The following PPP2R1A variants were observed in gnomAD, a reference collection of about 807,000 sequenced individuals.
PPP2R1A encodes protein phosphatase 2 scaffold subunit Aalpha, also known as serine/threonine-protein phosphatase 2A 65 kDa regulatory subunit A alpha isoform.
PPP2R1A carries 15 observed loss-of-function variants against 67.1 expected under a neutral mutation model. That is an observed-to-expected ratio of 0.22 (90% CI 0.15 to 0.34). The LOEUF (loss-of-function observed/expected upper bound fraction) is 0.34, where lower values mean the gene tolerates loss of function less well. Among genes scored for constraint, PPP2R1A ranks in the 10% least tolerant of loss-of-function variants. The pLI, the probability that PPP2R1A is intolerant of heterozygous loss-of-function variation, is 1.00. For synonymous variants in PPP2R1A, 337 were observed against 325.0 expected, an observed-to-expected ratio of 1.04 and a Z score of -0.40; for missense variants, 369 against 775.0, an observed-to-expected ratio of 0.48 and a Z score of 6.22.
Position 52,205,954 on chromosome 19 carries a change from G to T in PPP2R1A, c.170-9G>T. On this transcript the variant is annotated splice_polypyrimidine_tract_variant and intron_variant, in intron 2 of 14. Transcript: ENST00000322088. ...TGGGATAGTCACGAAGTCTGTCTTGGTTCCACAGATACCATCTATGATGAA... is the reference window on the plus strand; with the variant it reads ...TGGGATAGTCACGAAGTCTGTCTTGTTTCCACAGATACCATCTATGATGAA... 1 of 1,611,238 alleles carries T rather than the reference G, an allele frequency of 6.2e-7. No individual in the cohort carries two copies. The highest frequency in any genetic ancestry group is 8.5e-7 in the Non-Finnish European group (1 of 1,177,464).
Position 52,221,144 on chromosome 19 carries a change from C to T in PPP2R1A, c.1518+11C>T. The stretch of plus-strand genomic sequence containing the variant: ...CTCTTCTGCATCAATGTGAGCCTTC[C>T]ACCTGCCTGCTGGCCCATCCCTAGG... On this transcript the variant is annotated intron_variant, in intron 12 of 14. Transcript: ENST00000322088. 6.2e-7 allele frequency: 1 copy of T among 1,614,116 alleles called. No homozygotes were observed. Among genetic ancestry groups the T allele is most frequent in the Non-Finnish European group, 8.5e-7 (1 of 1,179,970 alleles).
Position 52,212,845 on chromosome 19 carries a change from T to C in PPP2R1A, c.651+12T>C, listed in dbSNP as rs758284207. 16 of 1,588,924 alleles carry C rather than the reference T, an allele frequency of 1.0e-5. 1 individual carries two copies. The South Asian group carries it at 1.8e-4, about 18-fold the overall frequency. ...CCTCTGACGAGCAGGTGAGTTTTGC[T>C]TCCTGGCCCTCTGCTCTCCCGTCCT... On this transcript the variant is annotated intron_variant, in intron 5 of 14. Transcript: ENST00000322088. This position sits in a 1 kb window ranked among gnomAD's most constrained non-coding sequence, Gnocchi z 4.1.
intron 1 of PPP2R1A, among the ~76,000 whole-genome samples, chr19:52,193,427 A>G (rs775084971): frequency 1.3e-5 from 2 of 152,216 alleles, no homozygotes; most frequent in Non-Finnish European, 2.9e-5. Flanking sequence ...TACTAGACAT[A>G]CAGTAGGGAA....
At chr19:52,196,461 A>G (rs566015848) in intron 1 of PPP2R1A, among the ~76,000 whole-genome samples, 14 of 152,112 alleles carry the variant, frequency 9.2e-5, no homozygotes, top group Non-Finnish European at 1.9e-4. Context: ...GTGGAACTGC[A>G]CTTTTTAGTG....
intron 2 of PPP2R1A, among the ~76,000 whole-genome samples, chr19:52,203,738 T>C (rs4802902): frequency 0.48 from 72,473 of 151,960 alleles, 17,841 homozygotes; most frequent in African/African-American, 0.59. Context: ...CACAGATTGA[T>C]AGCTCAGTCC....
At chr19:52,221,821 ACT>A (rs1170817303) in intron 12 of PPP2R1A, among the ~76,000 whole-genome samples, 1 of 152,116 alleles carries the variant, frequency 6.6e-6, no homozygotes, top group African/African-American at 2.4e-5. Context: ...TTCCCACGCC[ACT>A]CTCTGGAGAG....
chr19:52,224,887 A>G (rs1051555669), intron 13 of PPP2R1A, among the ~76,000 whole-genome samples: 2 of 150,712 alleles, frequency 1.3e-5, no homozygotes, highest in East Asian at 2.0e-4. Flanking sequence ...TTGAGTAGAG[A>G]TGGGGGTTTT....
chr19:52,192,876 G>A (rs552753334), intron 1 of PPP2R1A, among the ~76,000 whole-genome samples: 2 of 152,174 alleles, frequency 1.3e-5, no homozygotes, highest in African/African-American at 2.4e-5. Flanking sequence ...GAACCGCGAG[G>A]TGTTCATCTG....
At chr19:52,223,147 A>G (rs1395526668) in intron 13 of PPP2R1A, among the ~76,000 whole-genome samples, 1 of 152,246 alleles carries the variant, frequency 6.6e-6, no homozygotes, top group Non-Finnish European at 1.5e-5. Flanking sequence ...AACAGTAGGC[A>G]TCTCTGCAGT....
intron 11 of PPP2R1A, among the ~76,000 whole-genome samples, chr19:52,220,542 C>T (rs1227914197): frequency 6.6e-6 from 1 of 152,138 alleles, no homozygotes; most frequent in Non-Finnish European, 1.5e-5. Flanking sequence ...AAACAAGTCA[C>T]CTGCTGTCTT....
At position 52,212,814 on chromosome 19, in the gene PPP2R1A, A is replaced by G. The variant is rs201263415; in HGVS notation, c.632A>G (p.Asn211Ser). The G allele has an allele frequency of 6.2e-7, 1 of 1,606,552 alleles. No individual in the cohort carries two copies. The highest frequency in any genetic ancestry group is 1.1e-5 in the South Asian group (1 of 90,444). The change falls in exon 5 of 15, where the codon AAC becomes AGC. Residue 211 changes from asparagine to serine, a missense_variant. Asn to Ser is a conservative substitution (Grantham distance 46). This residue lies in a region of PPP2R1A where 276 missense variants were observed against 508.4 expected (regional missense o/e 0.54). Transcript: ENST00000322088. The surrounding 1 kb of genome is among the most constrained non-coding windows in gnomAD (Gnocchi z 4.1). ...VKSEIIPMFSNLASDEQDSVR... is the reference protein window; with the variant it reads ...VKSEIIPMFSSLASDEQDSVR... ...AGTGAGATCATCCCCATGTTCTCCAACCTGGCCTCTGACGAGCAGGTGAGT... is the reference window on the plus strand; with the variant it reads ...AGTGAGATCATCCCCATGTTCTCCAGCCTGGCCTCTGACGAGCAGGTGAGT...
chr19:52,213,222 G>C lies in PPP2R1A; in HGVS notation c.807+112G>C. The C allele has an allele frequency of 1.5e-6, 2 of 1,304,890 alleles. No homozygotes were observed. Among genetic ancestry groups the C allele is most frequent in the Middle Eastern group, 1.9e-4 (1 of 5,174 alleles). The allele number at this position is 1,304,890 out of a possible 1,614,324, so 80.8% of individuals were successfully genotyped here. On this transcript the variant is annotated intron_variant, in intron 6 of 14. Coordinates refer to ENST00000322088, the MANE Select transcript of PPP2R1A (RefSeq NM_014225.6). This position sits in a 1 kb window ranked among gnomAD's most constrained non-coding sequence, Gnocchi z 4.2. The stretch of plus-strand genomic sequence containing the variant: ...AGGCCGATGGAACCATTGGGCGTTT[G>C]AGCAATAAGATCTCTATGATCATCT...
In PPP2R1A at chr19:52,216,130, G is replaced by T; in HGVS notation, c.993+56G>T. ...TGGATCCGAGCCTGCCAAAAAGAGG[G>T]GCTGGAGACAAGGCTTTGGGGATAG... On this transcript the variant is annotated intron_variant, in intron 8 of 14. Coordinates refer to ENST00000322088, the MANE Select transcript of PPP2R1A (RefSeq NM_014225.6). The surrounding 1 kb of genome is among the most constrained non-coding windows in gnomAD (Gnocchi z 4.3). 6.4e-7 allele frequency: 1 copy of T among 1,557,324 alleles called. No individual in the cohort carries two copies.
chr19:52,212,931 C>G lies in PPP2R1A; in HGVS notation c.652-24C>G, dbSNP rs1364476167. The G allele has an allele frequency of 6.4e-7, 1 of 1,574,096 alleles. No homozygotes were observed. The highest frequency in any genetic ancestry group is 8.6e-7 in the Non-Finnish European group (1 of 1,159,374). On this transcript the variant is annotated intron_variant, in intron 5 of 14. Transcript: ENST00000322088. This position sits in a 1 kb window ranked among gnomAD's most constrained non-coding sequence, Gnocchi z 4.1. The stretch of plus-strand genomic sequence containing the variant: ...GCTCAGCAAGGCCTCTGCTGCCCTC[C>G]CACTGTTCCTCTCCTCTCCCTAGGA...
chr19:52,190,184 C>T lies in PPP2R1A; in HGVS notation c.78+10C>T. ...CAATGAGGACGTTCAGGTCCGGAGG[C>T]TACGGGGGACTTGGGGAAGACGCGG... On this transcript the variant is annotated intron_variant, in intron 1 of 14. Coordinates refer to ENST00000322088, the MANE Select transcript of PPP2R1A (RefSeq NM_014225.6). 1 of 1,550,270 alleles carries T rather than the reference C, an allele frequency of 6.5e-7. No homozygotes were observed. The highest frequency in any genetic ancestry group is 8.7e-7 in the Non-Finnish European group (1 of 1,146,386).
At chr19:52,202,129 G>C in intron 2 of PPP2R1A, 95 bp downstream of exon 2, 1 of 1,049,924 alleles carries the variant, frequency 9.5e-7, no homozygotes, top group Non-Finnish European at 1.4e-6. Context: ...CATATTGTTT[G>C]TGAATATCTG....
chr19:52,215,684 C>G lies in PPP2R1A; in HGVS notation c.808-95C>G, dbSNP rs994778823. 8 of 1,010,356 alleles carry G rather than the reference C, an allele frequency of 7.9e-6. No individual in the cohort carries two copies. The Admixed American group carries it at 1.4e-4, about 18-fold the overall frequency. The allele number at this position is 1,010,356 out of a possible 1,614,324, so 62.6% of individuals were successfully genotyped here. A position where few individuals can be genotyped will look rare whatever the true frequency, so the allele number is the denominator to read the frequency against. On this transcript the variant is annotated intron_variant, in intron 6 of 14. Coordinates refer to ENST00000322088, the MANE Select transcript of PPP2R1A (RefSeq NM_014225.6). ...TGCTTCCAAGGCCCACGCTCTGTCC[C>G]CTAATTCTGGTGCCTTCACTTTGAT... is the stretch of plus-strand genomic sequence containing the variant.
At chr19:52,207,882 G>A (rs902091334) in intron 3 of PPP2R1A, among the ~76,000 whole-genome samples, 1 of 152,158 alleles carries the variant, frequency 6.6e-6, no homozygotes. Flanking sequence ...GGGAGGCAGG[G>A]GGGTCCTTAA....
Position 52,213,234 on chromosome 19 carries a change from C to A in PPP2R1A, c.807+124C>A. ...CCATTGGGCGTTTGAGCAATAAGAT[C>A]TCTATGATCATCTAACTGCGTCTCG... On this transcript the variant is annotated intron_variant, in intron 6 of 14. Coordinates refer to ENST00000322088, the MANE Select transcript of PPP2R1A (RefSeq NM_014225.6). This position sits in a 1 kb window ranked among gnomAD's most constrained non-coding sequence, Gnocchi z 4.2. 8.1e-7 allele frequency: 1 copy of A among 1,227,088 alleles called. No individual in the cohort carries two copies. 76.0% of individuals were successfully genotyped at this position (1,227,088 alleles called of 1,614,324 possible). A position where few individuals can be genotyped will look rare whatever the true frequency, so the allele number is the denominator to read the frequency against.
Sources: allele counts gnomAD v4.1 joint callset (sites outside exome capture counted in the v4.1 genomes callset), GRCh38; gene constraint gnomAD v4.1.1; regional missense constraint gnomAD v4.1.1; non-coding constraint Gnocchi (gnomAD v3.1); transcripts MANE v1.5; gene names NCBI Gene and HGNC (gene_info 2026-07-23, HGNC 2026-07-21).